EDARADD: variants seen among roughly 807,000 people sequenced by gnomAD.
The protein encoded by EDARADD is EDAR associated via death domain.
In EDARADD, 20 loss-of-function variants were observed where a neutral mutation model predicts 25.6. That is an observed-to-expected ratio of 0.78 (90% CI 0.55 to 1.14). EDARADD has a LOEUF of 1.14. Ranked by LOEUF, EDARADD falls within the 50% of genes most tolerant of loss-of-function variation. EDARADD has a pLI of 0.00. For synonymous variants in EDARADD, 86 were observed against 94.4 expected (o/e 0.91, Z 0.52); for missense variants, 225 against 270.1 (o/e 0.83, Z 1.17).
intron 2 of EDARADD, among the ~76,000 whole-genome samples, chr1:236,411,773 A>G (rs1208628589): frequency 6.6e-6 from 1 of 150,660 alleles, no homozygotes; most frequent in Non-Finnish European, 1.5e-5. Flanking sequence ...CTGGTCTCGC[A>G]CTCCTGATCT....
At chr1:236,481,650 G>A (rs1278717562) in intron 5 of EDARADD, among the ~76,000 whole-genome samples, 1 of 151,288 alleles carries the variant, frequency 6.6e-6, no homozygotes, top group African/African-American at 2.4e-5. Flanking sequence ...TTGGTGGTAC[G>A]TGCCTGTAGT....
chr1:236,419,620 A>C (rs1169911543), intron 3 of EDARADD, among the ~76,000 whole-genome samples: 1 of 152,070 alleles, frequency 6.6e-6, no homozygotes, highest in Non-Finnish European at 1.5e-5. Flanking sequence ...GATTCCAACT[A>C]AGGCGGTCTG....
intron 4 of EDARADD, among the ~76,000 whole-genome samples, chr1:236,448,299 G>A (rs1368236121): frequency 6.6e-6 from 1 of 152,180 alleles, no homozygotes; most frequent in Admixed American, 6.5e-5. Context: ...GCATCCACAG[G>A]GCAGAGGAAT....
chr1:236,482,969 T>TA lies in EDARADD; in HGVS notation c.*321dup, dbSNP rs557974993. ...AGATAAAATTATCCTCTCTCTGAAA[T>TA]ACGGTAAAGATTTAAATAGGTCCTG... is the stretch of plus-strand genomic sequence containing the variant. On this transcript the variant is annotated 3_prime_UTR_variant, in exon 6 of 6. Transcript: ENST00000334232. 1.1e-4 allele frequency: 68 copies of TA among 606,564 alleles called. No homozygotes were observed. Among genetic ancestry groups the TA allele is most frequent in the African/African-American group, 1.0e-3 (55 of 54,034 alleles). The allele number at this position is 606,564 out of a possible 1,614,324, so 37.6% of individuals were successfully genotyped here.
intron 4 of EDARADD, among the ~76,000 whole-genome samples, chr1:236,459,704 C>T (rs926120683): frequency 2.7e-5 from 4 of 150,810 alleles, no homozygotes; most frequent in Non-Finnish European, 5.9e-5. Context: ...CCTCTGCCTC[C>T]CAGGTTCAAG....
intron 3 of EDARADD, among the ~76,000 whole-genome samples, chr1:236,380,110 T>G (rs1054499912): frequency 2.8e-4 from 43 of 152,190 alleles, no homozygotes; most frequent in African/African-American, 9.7e-4. Flanking sequence ...CTTTCATTAT[T>G]TCCTTCCTTC....
At chr1:236,467,274 C>T (rs74151906) in intron 4 of EDARADD, among the ~76,000 whole-genome samples, 2,928 of 125,300 alleles carry the variant, frequency 0.023, 89 homozygotes, top group African/African-American at 0.081. Context: ...TGACTCGCCT[C>T]TTGTGCTTCT....
chr1:236,429,888 T>C (rs78276995), intron 4 of EDARADD, among the ~76,000 whole-genome samples: 305 of 152,340 alleles, frequency 2.0e-3, no homozygotes, highest in African/African-American at 7.0e-3. Context: ...TTTACAGCAT[T>C]CAGTATCTCA....
intron 5 of EDARADD, among the ~76,000 whole-genome samples, chr1:236,481,276 T>C (rs1054045072): frequency 1.1e-4 from 17 of 152,120 alleles, no homozygotes; most frequent in African/African-American, 4.1e-4. Flanking sequence ...CTGAGGTGCA[T>C]GCAAGTGTCG....
intron 3 of EDARADD, among the ~76,000 whole-genome samples, chr1:236,369,424 C>T (rs1406317108): frequency 6.6e-6 from 1 of 152,212 alleles, no homozygotes; most frequent in African/African-American, 2.4e-5. Flanking sequence ...GAGGCCAAAG[C>T]AACTTCATTT....
At chr1:236,367,841 G>C (rs1667129049) in intron 3 of EDARADD, among the ~76,000 whole-genome samples, 1 of 152,168 alleles carries the variant, frequency 6.6e-6, no homozygotes, top group South Asian at 2.1e-4. Flanking sequence ...GGGCATTGTG[G>C]CTCATGCCTG....
At chr1:236,452,504 C>G (rs78535975) in intron 4 of EDARADD, among the ~76,000 whole-genome samples, 5 of 127,200 alleles carry the variant, frequency 3.9e-5, no homozygotes, top group Admixed American at 9.3e-5. Flanking sequence ...GATCCCCCCT[C>G]TCTCTCTCTC....
At chr1:236,372,128 G>T (rs911283949) in intron 3 of EDARADD, among the ~76,000 whole-genome samples, 2 of 151,052 alleles carry the variant, frequency 1.3e-5, no homozygotes, top group Non-Finnish European at 3.0e-5. Context: ...GGCTAATTTT[G>T]TATTTTTAGT....
chr1:236,377,804 G>A (rs538049417), intron 3 of EDARADD, among the ~76,000 whole-genome samples: 48 of 152,026 alleles, frequency 3.2e-4, no homozygotes, highest in African/African-American at 1.0e-3. Flanking sequence ...GTTGCAGTGA[G>A]CCAAGATCGT....
chr1:236,461,189 T>C (rs1659028883), intron 4 of EDARADD, among the ~76,000 whole-genome samples: 1 of 152,192 alleles, frequency 6.6e-6, no homozygotes, highest in African/African-American at 2.4e-5. Context: ...CTTAGGCATT[T>C]AAAATCATAT....
rs12071350 is a variant in EDARADD at position 236,358,915 on chromosome 1, C to A, written c.-6+8076C>A. Among the ~76,000 whole-genome samples the A allele has an allele frequency of 6.2e-3, 950 of 152,266 alleles. 11 individuals are homozygous for A. The highest frequency in any genetic ancestry group is 0.021 in the African/African-American group (892 of 41,540). On this transcript the variant is annotated intron_variant, in intron 3 of 7. Transcript: ENST00000439430. ...CTTGATCCAGAGCTGAGTTCATGTC[C>A]TGAATACCTTTGTTAATTTTCTGTC...
intron 2 of EDARADD, among the ~76,000 whole-genome samples, chr1:236,413,655 A>T (rs898998283): frequency 6.6e-6 from 1 of 152,236 alleles, no homozygotes; most frequent in Non-Finnish European, 1.5e-5. Flanking sequence ...AGTATGAATA[A>T]ATGAAAAGAA....
At chr1:236,410,954 G>A (rs1014991819) in intron 2 of EDARADD, among the ~76,000 whole-genome samples, 2 of 152,104 alleles carry the variant, frequency 1.3e-5, no homozygotes, top group African/African-American at 4.8e-5. Flanking sequence ...CAACCCTGTG[G>A]CCATGGCTTA....
Position 236,477,199 on chromosome 1 carries a change from G to A in EDARADD, c.266-5068G>A, listed in dbSNP as rs749305860. ...ATACATGATTTACAGGGATATAAACGACTGTATTATTAGTCATTAGAAGAA... is the reference window on the plus strand; with the variant it reads ...ATACATGATTTACAGGGATATAAACAACTGTATTATTAGTCATTAGAAGAA... On this transcript the variant is annotated intron_variant, in intron 5 of 5. Transcript: ENST00000334232. 7.9e-5 allele frequency among the ~76,000 whole-genome samples: 12 copies of A among 151,998 alleles called. No individual in the cohort carries two copies. The South Asian group carries it at 1.2e-3, about 16-fold the overall frequency.
Sources: allele counts gnomAD v4.1 joint callset (sites outside exome capture counted in the v4.1 genomes callset), GRCh38; gene constraint gnomAD v4.1.1; transcripts MANE v1.5; gene names NCBI Gene and HGNC (gene_info 2026-07-23, HGNC 2026-07-21).